ATP9B: variants seen among roughly 807,000 people sequenced by gnomAD.
ATP9B encodes probable phospholipid-transporting ATPase IIB.
In ATP9B, 110 loss-of-function variants were observed where a neutral mutation model predicts 146.1. The ratio of observed to expected loss-of-function variants is 0.75; its 90% CI spans 0.65 to 0.88. The LOEUF is 0.88. Ranked by LOEUF, ATP9B falls within the 40% of genes least tolerant of loss-of-function variation. ATP9B has a pLI of 0.00. For synonymous variants in ATP9B, 604 were observed against 569.7 expected, an observed-to-expected ratio of 1.06 and a Z score of -0.86; for missense variants, 1,499 against 1,496.4, an observed-to-expected ratio of 1.00 and a Z score of -0.03.
chr18:79,075,995 A>G (rs1304373495), intron 1 of ATP9B, among the ~76,000 whole-genome samples: 1 of 152,162 alleles, frequency 6.6e-6, no homozygotes, highest in African/African-American at 2.4e-5. Context: ...ATTGCAGTGT[A>G]CTGTTGTTGG....
intron 10 of ATP9B, among the ~76,000 whole-genome samples, chr18:79,210,351 T>C (rs2095572849): frequency 1.3e-5 from 2 of 152,146 alleles, no homozygotes; most frequent in African/African-American, 4.8e-5. Context: ...TCCCTGGCCA[T>C]GTGGACCCAC....
intron 11 of ATP9B, among the ~76,000 whole-genome samples, chr18:79,227,617 A>G (rs766545126): frequency 1.3e-5 from 2 of 152,214 alleles, no homozygotes; most frequent in Non-Finnish European, 2.9e-5. Context: ...ATTTATCATT[A>G]CACTGAATAT....
intron 9 of ATP9B, among the ~76,000 whole-genome samples, chr18:79,202,349 T>G (rs2095496845): frequency 6.6e-6 from 1 of 152,236 alleles, no homozygotes; most frequent in African/African-American, 2.4e-5. Flanking sequence ...ATTAGCAGTA[T>G]TTATAGTCCT....
At chr18:79,180,975 GTTTTTTT>G (rs199971384) in intron 8 of ATP9B, among the ~76,000 whole-genome samples, 1 of 140,686 alleles carries the variant, frequency 7.1e-6, no homozygotes, top group Non-Finnish European at 1.6e-5. Context: ...TTGTTTTTTT[GTTTTTTT>G]TTTTTTTAAG....
chr18:79,137,325 TATTA>T (rs2147329352), intron 5 of ATP9B, among the ~76,000 whole-genome samples: 1 of 152,340 alleles, frequency 6.6e-6, no homozygotes, highest in East Asian at 1.9e-4. Context: ...TTTGCATGCC[TATTA>T]ATTTTTTATT....
intron 2 of ATP9B, among the ~76,000 whole-genome samples, chr18:79,108,089 G>A (rs1038895054): frequency 2.0e-5 from 3 of 152,182 alleles, no homozygotes; most frequent in African/African-American, 7.2e-5. Flanking sequence ...GTTGGTGGGA[G>A]GAGTTGGGGA....
chr18:79,111,106 G>C (rs1200971998), intron 3 of ATP9B, among the ~76,000 whole-genome samples: 1 of 151,976 alleles, frequency 6.6e-6, no homozygotes, highest in Non-Finnish European at 1.5e-5. Context: ...TACTTTTGTT[G>C]CTAGTGATAT....
intron 11 of ATP9B, among the ~76,000 whole-genome samples, chr18:79,249,894 T>C (rs945094763): frequency 6.6e-6 from 1 of 152,252 alleles, no homozygotes; most frequent in African/African-American, 2.4e-5. Flanking sequence ...TGCTGTAGTT[T>C]GGTTACAAGT....
intron 5 of ATP9B, among the ~76,000 whole-genome samples, chr18:79,137,928 C>T (rs1351801318): frequency 6.6e-6 from 1 of 152,222 alleles, no homozygotes; most frequent in African/African-American, 2.4e-5. Flanking sequence ...ACTAATGTAG[C>T]ACAGGTGCCT....
chr18:79,233,121 A>G (rs750165607), intron 11 of ATP9B, among the ~76,000 whole-genome samples: 1 of 152,082 alleles, frequency 6.6e-6, no homozygotes, highest in South Asian at 2.1e-4. Context: ...GTGAAACCCC[A>G]TCTCTACTAA....
intron 13 of ATP9B, among the ~76,000 whole-genome samples, chr18:79,289,403 A>G (rs368368958): frequency 0.012 from 1,882 of 152,258 alleles, 21 homozygotes; most frequent in African/African-American, 0.035. Context: ...CCAGTTGATC[A>G]CATCGGCTCC....
At chr18:79,210,322 C>T (rs190073160) in intron 10 of ATP9B, among the ~76,000 whole-genome samples, 161 of 152,304 alleles carry the variant, frequency 1.1e-3, no homozygotes, top group African/African-American at 3.7e-3. Context: ...AAAAGTGTGA[C>T]GGGGCTGTCA....
At chr18:79,327,425 G>A (rs1218188241) in intron 15 of ATP9B, among the ~76,000 whole-genome samples, 21 of 151,236 alleles carry the variant, frequency 1.4e-4, no homozygotes, top group Admixed American at 1.4e-3. Flanking sequence ...ACGTTGCAGA[G>A]AGCGTGCTCT....
At chr18:79,353,884 T>C (rs2096935758) in intron 25 of ATP9B, 1 of 152,154 alleles carries the variant, frequency 6.6e-6, no homozygotes, top group Non-Finnish European at 1.5e-5. Context: ...ATTAAAGATT[T>C]CGAGGGAAGT....
intron 15 of ATP9B, among the ~76,000 whole-genome samples, chr18:79,320,899 C>T (rs942387430): frequency 1.3e-5 from 2 of 151,402 alleles, no homozygotes; most frequent in East Asian, 3.9e-4. Flanking sequence ...AGGAAACCTC[C>T]GGATGCTGTG....
At chr18:79,249,156 C>T (rs2095998602) in intron 11 of ATP9B, among the ~76,000 whole-genome samples, 1 of 151,260 alleles carries the variant, frequency 6.6e-6, no homozygotes, top group African/African-American at 2.4e-5. Context: ...TGGTATAAAC[C>T]ATTATTTTAC....
intron 11 of ATP9B, among the ~76,000 whole-genome samples, chr18:79,235,176 C>T (rs2095829778): frequency 1.3e-5 from 2 of 152,184 alleles, no homozygotes; most frequent in Non-Finnish European, 2.9e-5. Context: ...TGTGCCTGGC[C>T]TTATTGTATA....
intron 15 of ATP9B, among the ~76,000 whole-genome samples, chr18:79,310,035 G>C (rs530123583): frequency 6.6e-6 from 1 of 152,318 alleles, no homozygotes; most frequent in South Asian, 2.1e-4. Flanking sequence ...GGAAATATGA[G>C]CCTAAAACCC....
At chr18:79,212,566 A>T (rs1007619547) in intron 10 of ATP9B, among the ~76,000 whole-genome samples, 5 of 152,210 alleles carry the variant, frequency 3.3e-5, no homozygotes, top group African/African-American at 9.6e-5. Flanking sequence ...ATTTAACATT[A>T]GTGGGATGTT....
Sources: allele counts gnomAD v4.1 joint callset (sites outside exome capture counted in the v4.1 genomes callset), GRCh38; gene constraint gnomAD v4.1.1; transcripts MANE v1.5; gene names NCBI Gene and HGNC (gene_info 2026-07-23, HGNC 2026-07-21).